MYO3B: variants seen among roughly 807,000 people sequenced by gnomAD.
MYO3B encodes myosin IIIB, also known as myosin-IIIb.
A neutral mutation model predicts 174.6 loss-of-function variants in MYO3B; 156 were observed. The observed-to-expected ratio is 0.89, with a 90% confidence interval of 0.78 to 1.02. The LOEUF (loss-of-function observed/expected upper bound fraction) is 1.02. Ranked by LOEUF, MYO3B falls within the 50% of genes least tolerant of loss-of-function variation. The pLI is 0.00. For synonymous variants in MYO3B, 563 were observed against 569.1 expected, an observed-to-expected ratio of 0.99 and a Z score of 0.15; for missense variants, 1,632 against 1,639.4, an observed-to-expected ratio of 1.00 and a Z score of 0.08.
At chr2:170,533,431 G>T (rs1037363111) in intron 30 of MYO3B, among the ~76,000 whole-genome samples, 24 of 149,226 alleles carry the variant, frequency 1.6e-4, no homozygotes, top group Admixed American at 8.6e-4. Flanking sequence ...GGGGTGGGGG[G>T]GGGGTGTGCA....
intron 1 of MYO3B, among the ~76,000 whole-genome samples, chr2:170,183,932 T>C (rs2092433568): frequency 6.6e-6 from 1 of 152,178 alleles, no homozygotes; most frequent in Non-Finnish European, 1.5e-5. Context: ...TTTCCATTTT[T>C]AATGGTGTTT....
intron 3 of MYO3B, among the ~76,000 whole-genome samples, chr2:170,203,609 T>C (rs1304195526): frequency 6.6e-6 from 1 of 152,126 alleles, no homozygotes; most frequent in African/African-American, 2.4e-5. Flanking sequence ...AAGTATAATC[T>C]AGACCTGAAT....
chr2:170,400,087 A>C (rs7561268), intron 16 of MYO3B, 101 bp from the exon 17 acceptor site: 802,853 of 1,477,614 alleles, frequency 0.54, 222,123 homozygotes, highest in East Asian at 0.63. Flanking sequence ...AAGAGGGAGA[A>C]TGGACTTTGG....
chr2:170,591,048 G>T (rs991609046), intron 32 of MYO3B, among the ~76,000 whole-genome samples: 1 of 152,138 alleles, frequency 6.6e-6, no homozygotes, highest in African/African-American at 2.4e-5. Context: ...GTTTAAAAGT[G>T]AACATTATCA....
chr2:170,483,430 A>G (rs1433223882), intron 25 of MYO3B, among the ~76,000 whole-genome samples: 1 of 94,380 alleles, frequency 1.1e-5, no homozygotes, highest in Non-Finnish European at 1.7e-5. Context: ...TCTGTCGCCC[A>G]GGCTGGAGTG....
chr2:170,622,504 AAC>A (rs1385059958), intron 32 of MYO3B, among the ~76,000 whole-genome samples: 1 of 152,208 alleles, frequency 6.6e-6, no homozygotes, highest in African/African-American at 2.4e-5. Context: ...AGTCCCTGTT[AAC>A]AGTTTCTTAT....
chr2:170,466,603 C>G lies in MYO3B; in HGVS notation c.2906C>G (p.Ser969Cys), dbSNP rs35857918. ...PNDDREALQF[S>C]RERVLAQLRS... ...GATGACCGAGAGGCCCTGCAGTTCTCTCGAGAGAGGGTGCTGGCCCAGCTC... is the reference window on the plus strand; with the variant it reads ...GATGACCGAGAGGCCCTGCAGTTCTGTCGAGAGAGGGTGCTGGCCCAGCTC... The change falls in exon 25 of 35, where the codon TCT becomes TGT. Residue 969 changes from serine to cysteine, a missense_variant. By Grantham distance (112) the Ser-to-Cys change is moderately radical. Transcript: ENST00000408978. The G allele has an allele frequency of 9.9e-6, 16 of 1,614,260 alleles. No homozygotes were observed. Among genetic ancestry groups the G allele is most frequent in the East Asian group, 6.7e-5 (3 of 44,888 alleles).
intron 22 of MYO3B, among the ~76,000 whole-genome samples, chr2:170,429,428 G>T (rs2094691481): frequency 6.6e-6 from 1 of 152,130 alleles, no homozygotes; most frequent in Non-Finnish European, 1.5e-5. Context: ...TTTGTTCCCA[G>T]TCCCACCAGT....
At chr2:170,492,932 C>T (rs139097886) in intron 25 of MYO3B, among the ~76,000 whole-genome samples, 2 of 152,340 alleles carry the variant, frequency 1.3e-5, no homozygotes, top group Non-Finnish European at 2.9e-5. Context: ...AACAAAGTCT[C>T]TGTTTCTCTA....
At chr2:170,568,689 T>A (rs1483078713) in intron 32 of MYO3B, among the ~76,000 whole-genome samples, 1 of 152,206 alleles carries the variant, frequency 6.6e-6, no homozygotes, top group Non-Finnish European at 1.5e-5. Flanking sequence ...ACAGTGACTT[T>A]CAGCAATGAT....
chr2:170,529,148 C>T (rs1689182429), intron 30 of MYO3B, among the ~76,000 whole-genome samples: 1 of 152,118 alleles, frequency 6.6e-6, no homozygotes, highest in South Asian at 2.1e-4. Flanking sequence ...AAAGAACTCT[C>T]AGTCTCTCAC....
intron 32 of MYO3B, among the ~76,000 whole-genome samples, chr2:170,547,386 C>G (rs1057325581): frequency 6.6e-6 from 1 of 151,550 alleles, no homozygotes; most frequent in Non-Finnish European, 1.5e-5. Context: ...GCTTATTGCT[C>G]ACATTAAGAG....
At chr2:170,395,489 C>A (rs2094438004) in intron 16 of MYO3B, among the ~76,000 whole-genome samples, 1 of 152,058 alleles carries the variant, frequency 6.6e-6, no homozygotes, top group Non-Finnish European at 1.5e-5. Flanking sequence ...AATTTCTTCC[C>A]TTTCTTCAAA....
At chr2:170,514,894 A>C (rs760008305) in intron 28 of MYO3B, 27 bp from the exon 29 acceptor site, 1 of 1,603,090 alleles carries the variant, frequency 6.2e-7, no homozygotes, top group African/African-American at 1.3e-5. Context: ...CATAACCTTG[A>C]GAAAGTCTTT....
intron 22 of MYO3B, among the ~76,000 whole-genome samples, chr2:170,418,247 C>A (rs11884349): frequency 0.12 from 18,889 of 152,172 alleles, 1,351 homozygotes; most frequent in East Asian, 0.29. Context: ...AGGGCAGAGG[C>A]GGGCCCATGC....
intron 18 of MYO3B, among the ~76,000 whole-genome samples, chr2:170,402,643 A>G (rs1366119057): frequency 6.6e-6 from 1 of 152,104 alleles, no homozygotes; most frequent in Non-Finnish European, 1.5e-5. Context: ...GAAAAAAAAA[A>G]GAAGTTGAAA....
chr2:170,301,022 A>G (rs1055695688), intron 7 of MYO3B, among the ~76,000 whole-genome samples: 1 of 152,236 alleles, frequency 6.6e-6, no homozygotes, highest in Non-Finnish European at 1.5e-5. Context: ...TACAGGCTAC[A>G]TCTTTGTGTC....
chr2:170,503,421 C>T (rs918533002), intron 28 of MYO3B, among the ~76,000 whole-genome samples: 1 of 149,250 alleles, frequency 6.7e-6, no homozygotes, highest in Non-Finnish European at 1.5e-5. Flanking sequence ...TGTTGCTCAG[C>T]GAAACTTTAA....
At chr2:170,522,208 G>T (rs138145293) in intron 30 of MYO3B, among the ~76,000 whole-genome samples, 1 of 151,998 alleles carries the variant, frequency 6.6e-6, no homozygotes, top group Non-Finnish European at 1.5e-5. Context: ...AGCACGAGTC[G>T]CAAGTCTCTG....
Sources: gnomAD v4.1 joint callset for allele counts (sites outside exome capture counted in the v4.1 genomes callset) on GRCh38, gnomAD v4.1.1 for gene constraint, MANE v1.5 for transcripts, NCBI Gene and HGNC (gene_info 2026-07-23, HGNC 2026-07-21) for gene names.